The following NALF1 variants were observed in gnomAD, a reference collection of about 807,000 sequenced individuals.
NALF1 encodes the protein NALCN channel auxiliary factor 1.
NALF1 carries 3 observed loss-of-function variants against 48.4 expected under a neutral mutation model. That is an observed-to-expected ratio of 0.06 (90% CI 0.03 to 0.16). NALF1 has a LOEUF of 0.16. Ranked by LOEUF, NALF1 falls within the 10% of genes least tolerant of loss-of-function variation. NALF1 has a pLI of 1.00. For synonymous variants in NALF1, 262 were observed against 245.7 expected (o/e 1.07, Z -0.62); for missense variants, 526 against 571.5 (o/e 0.92, Z 0.81).
chr13:107,841,951 G>A (rs1173152967), intron 1 of NALF1, among the ~76,000 whole-genome samples: 4 of 151,800 alleles, frequency 2.6e-5, no homozygotes, highest in Non-Finnish European at 4.4e-5. Flanking sequence ...AAATATTAAT[G>A]AGTAGCCACA....
intron 1 of NALF1, among the ~76,000 whole-genome samples, chr13:107,416,921 C>T (rs1215257722): frequency 6.6e-6 from 1 of 152,244 alleles, no homozygotes; most frequent in Non-Finnish European, 1.5e-5. Context: ...CCAGTCCTTA[C>T]ACCCTGTCTA....
At chr13:107,698,465 TA>T (rs1310022172) in intron 1 of NALF1, among the ~76,000 whole-genome samples, 1 of 152,116 alleles carries the variant, frequency 6.6e-6, no homozygotes, top group East Asian at 1.9e-4. Context: ...CTTTTCTGTT[TA>T]CAGAAGCTTT....
intron 1 of NALF1, among the ~76,000 whole-genome samples, chr13:107,566,490 T>C (rs1480765146): frequency 1.3e-5 from 2 of 152,104 alleles, no homozygotes; most frequent in Non-Finnish European, 2.9e-5. Context: ...ATCGGCTGGA[T>C]ACCCTTTCAG....
At chr13:107,450,814 A>T (rs1263168733) in intron 1 of NALF1, among the ~76,000 whole-genome samples, 1 of 152,228 alleles carries the variant, frequency 6.6e-6, no homozygotes, top group Non-Finnish European at 1.5e-5. Context: ...AAGACGAAAG[A>T]ATCCAAATTC....
chr13:107,345,555 A>G (rs1469316393), intron 1 of NALF1, among the ~76,000 whole-genome samples: 1 of 152,222 alleles, frequency 6.6e-6, no homozygotes, highest in Non-Finnish European at 1.5e-5. Flanking sequence ...CACAATATGG[A>G]AAGAAGAGTC....
chr13:107,424,628 A>G (rs528555436), intron 1 of NALF1, among the ~76,000 whole-genome samples: 7 of 152,300 alleles, frequency 4.6e-5, no homozygotes. Context: ...AGAAAAACAG[A>G]AGGAAGGAGA....
At chr13:107,684,046 C>T (rs542903344) in intron 1 of NALF1, among the ~76,000 whole-genome samples, 11 of 152,308 alleles carry the variant, frequency 7.2e-5, no homozygotes, top group African/African-American at 2.4e-4. Flanking sequence ...CAGAGCACTC[C>T]GGATTCAGGG....
intron 1 of NALF1, among the ~76,000 whole-genome samples, chr13:107,334,062 A>G (rs1418799456): frequency 6.6e-6 from 1 of 152,226 alleles, no homozygotes; most frequent in South Asian, 2.1e-4. Context: ...AAAGTCTCAG[A>G]AAATTTAGAA....
chr13:107,519,623 G>A (rs886511505), intron 1 of NALF1, among the ~76,000 whole-genome samples: 3 of 152,108 alleles, frequency 2.0e-5, no homozygotes, highest in African/African-American at 7.2e-5. Context: ...AAGAGTTGCT[G>A]AGGAACCCCA....
intron 1 of NALF1, among the ~76,000 whole-genome samples, chr13:107,353,295 G>A (rs1882907353): frequency 1.3e-5 from 2 of 152,094 alleles, no homozygotes; most frequent in Admixed American, 6.6e-5. Context: ...CAGTTTTTTA[G>A]TGAACCTTCA....
intron 1 of NALF1, among the ~76,000 whole-genome samples, chr13:107,787,556 T>C (rs9559157): frequency 0.16 from 23,675 of 152,160 alleles, 2,220 homozygotes; most frequent in Admixed American, 0.27. Context: ...AATTAGCTAA[T>C]ACCAATATTT....
At position 107,866,735 on chromosome 13, in the gene NALF1, C is replaced by T; in HGVS notation, c.-139G>A. The T allele has an allele frequency of 1.5e-6, 1 of 649,768 alleles. No homozygotes were observed. Among genetic ancestry groups the T allele is most frequent in the South Asian group, 1.9e-5 (1 of 52,438 alleles). The allele number at this position is 649,768 out of a possible 1,614,324, so 40.3% of individuals were successfully genotyped here. ...TTCTCTCTCCTCTCTCTCTTTCTCT[C>T]TCTTCCCCTCTCCCTCTCTCCTCTC... On this transcript the variant is annotated 5_prime_UTR_variant, in exon 1 of 3. Transcript: ENST00000375915. The surrounding 1 kb of genome is among the most constrained non-coding windows in gnomAD (Gnocchi z 4.4).
chr13:107,685,063 C>G (rs1442312523), intron 1 of NALF1, among the ~76,000 whole-genome samples: 2 of 152,128 alleles, frequency 1.3e-5, no homozygotes, highest in Non-Finnish European at 2.9e-5. Context: ...GCCTGTAATC[C>G]CAGCACTTTG....
chr13:107,416,143 A>G (rs1461480890), intron 1 of NALF1, among the ~76,000 whole-genome samples: 1 of 151,188 alleles, frequency 6.6e-6, no homozygotes, highest in Non-Finnish European at 1.5e-5. Flanking sequence ...AGTAGCTGGG[A>G]CTACAGGCAC....
intron 1 of NALF1, among the ~76,000 whole-genome samples, chr13:107,689,048 G>T (rs566659345): frequency 6.6e-6 from 1 of 152,218 alleles, no homozygotes; most frequent in Admixed American, 6.5e-5. Flanking sequence ...CTCTGTCATG[G>T]ACTGGACAGG....
chr13:107,714,032 C>T (rs1196824848), intron 1 of NALF1, among the ~76,000 whole-genome samples: 1 of 152,190 alleles, frequency 6.6e-6, no homozygotes, highest in Non-Finnish European at 1.5e-5. Flanking sequence ...CTGCTTTTAG[C>T]TTTCACTGCC....
intron 1 of NALF1, among the ~76,000 whole-genome samples, chr13:107,418,512 T>G (rs961742637): frequency 4.6e-5 from 7 of 152,170 alleles, no homozygotes; most frequent in Non-Finnish European, 7.4e-5. Context: ...TTGAGATTAT[T>G]TGTACACAAC....
intron 1 of NALF1, among the ~76,000 whole-genome samples, chr13:107,482,249 G>A (rs976772816): frequency 6.6e-6 from 1 of 151,946 alleles, no homozygotes; most frequent in Non-Finnish European, 1.5e-5. Context: ...GCTCTTTCCT[G>A]GGTCTCCAGC....
rs541205440 is a variant in NALF1, at chr13:107,793,566, C to T, written c.915+72116G>A. On this transcript the variant is annotated intron_variant, in intron 1 of 2. Coordinates refer to ENST00000375915, the MANE Select transcript of NALF1 (RefSeq NM_001080396.3). ...GGTACACATCAAGTATCTCCTGCTTCTATTAAGAAGCAATGCTACTTCAAT... is the reference window on the plus strand; with the variant it reads ...GGTACACATCAAGTATCTCCTGCTTTTATTAAGAAGCAATGCTACTTCAAT... Among the ~76,000 whole-genome samples, 4 of 152,304 alleles carry T rather than the reference C, an allele frequency of 2.6e-5. No individual in the cohort carries two copies. In the East Asian group the frequency reaches 7.7e-4, roughly 29 times the overall value.
Sources: allele counts gnomAD v4.1 joint callset (sites outside exome capture counted in the v4.1 genomes callset), GRCh38; gene constraint gnomAD v4.1.1; non-coding constraint Gnocchi (gnomAD v3.1); transcripts MANE v1.5; gene names NCBI Gene and HGNC (gene_info 2026-07-23, HGNC 2026-07-21).